ARHGEF11: variants seen among roughly 807,000 people sequenced by gnomAD.
ARHGEF11 encodes the protein Rho guanine nucleotide exchange factor 11.
A neutral mutation model predicts 193.7 loss-of-function variants in ARHGEF11; 55 were observed. The ratio of observed to expected loss-of-function variants is 0.28; its 90% CI spans 0.23 to 0.36. ARHGEF11 has a LOEUF of 0.36. Among genes scored for constraint, ARHGEF11 ranks in the 10% least tolerant of loss-of-function variants. ARHGEF11 has a pLI of 1.00. For missense variants in ARHGEF11, 1,723 were observed against 2,005.6 expected (o/e 0.86, Z 2.69); for synonymous variants, 693 against 768.0 (o/e 0.90, Z 1.62).
chr1:156,936,856 G>A lies in ARHGEF11; in HGVS notation c.4590C>T (p.Asp1530=), dbSNP rs1655490108. 3 of 1,614,114 alleles carry A rather than the reference G, an allele frequency of 1.9e-6. No individual in the cohort carries two copies. Among genetic ancestry groups the A allele is most frequent in the Non-Finnish European group, 2.5e-6 (3 of 1,180,020 alleles). ...GCCCCAGTTCATGGCTGTTCCTGGA[G>A]TCAGAAGCTAGGGGCTCCTTAGCGG... ...SPPAKEPLAS[D]SRNSHELGPC... is the part of the protein sequence containing the mutation. Residue 1530 remains aspartate, a synonymous_variant, in exon 40 of 41, where the codon GAC becomes GAT. Coordinates refer to ENST00000368194, the MANE Select transcript of ARHGEF11 (RefSeq NM_198236.3).
At chr1:157,028,252 T>C (rs77210098) in intron 1 of ARHGEF11, among the ~76,000 whole-genome samples, 1,991 of 152,342 alleles carry the variant, frequency 0.013, 40 homozygotes, top group African/African-American at 0.045. Context: ...GGCTTGTTAA[T>C]TGGAGACTAT....
chr1:157,030,490 A>G (rs1465931719), intron 1 of ARHGEF11, among the ~76,000 whole-genome samples: 2 of 152,188 alleles, frequency 1.3e-5, no homozygotes, highest in African/African-American at 2.4e-5. Context: ...TATTGGGAAG[A>G]GACAGAAAAA....
At chr1:157,029,153 G>C (rs1002790518) in intron 1 of ARHGEF11, among the ~76,000 whole-genome samples, 2 of 142,556 alleles carry the variant, frequency 1.4e-5, no homozygotes, top group African/African-American at 5.3e-5. Context: ...GGCAACTGAA[G>C]TGAGACCCTG....
At chr1:156,988,987 G>A (rs1163465722) in intron 1 of ARHGEF11, among the ~76,000 whole-genome samples, 1 of 152,086 alleles carries the variant, frequency 6.6e-6, no homozygotes, top group Non-Finnish European at 1.5e-5. Flanking sequence ...GAGAAACAAG[G>A]AAAGGAGAGA....
At chr1:156,940,138 C>A in intron 36 of ARHGEF11, 69 bp downstream of exon 36, 1 of 1,493,650 alleles carries the variant, frequency 6.7e-7, no homozygotes, top group Non-Finnish European at 9.0e-7. Flanking sequence ...AGGGTGCAGG[C>A]GCCTGCCAGT....
intron 1 of ARHGEF11, among the ~76,000 whole-genome samples, chr1:157,013,618 C>T (rs1243807439): frequency 6.6e-6 from 1 of 152,108 alleles, no homozygotes; most frequent in Non-Finnish European, 1.5e-5. Flanking sequence ...CTTCAACCCA[C>T]TTTGAGTTCC....
chr1:157,014,985 C>A (rs896438129), intron 1 of ARHGEF11, among the ~76,000 whole-genome samples: 1 of 152,178 alleles, frequency 6.6e-6, no homozygotes, highest in Non-Finnish European at 1.5e-5. Flanking sequence ...TAGGGGACAA[C>A]ACAGCCAACA....
intron 8 of ARHGEF11, 49 bp from the exon 9 acceptor site, chr1:156,970,092 C>A: frequency 3.2e-6 from 5 of 1,559,460 alleles, no homozygotes; most frequent in Non-Finnish European, 3.5e-6. Flanking sequence ...AGCCTCTCCC[C>A]CTACGGTTTT....
intron 22 of ARHGEF11, among the ~76,000 whole-genome samples, chr1:156,951,089 G>A (rs1286472965): frequency 6.6e-6 from 1 of 152,212 alleles, no homozygotes; most frequent in Non-Finnish European, 1.5e-5. Context: ...GACATCTGAT[G>A]CCTATAGTTA....
At chr1:156,979,646 G>A (rs1210142928) in intron 4 of ARHGEF11, among the ~76,000 whole-genome samples, 2 of 152,206 alleles carry the variant, frequency 1.3e-5, no homozygotes, top group Admixed American at 6.5e-5. Flanking sequence ...TTACAGGCGT[G>A]AGCCACTGCG....
At chr1:157,046,268 C>G (rs1673319762), upstream of ARHGEF11, among the ~76,000 whole-genome samples, 1 of 151,430 alleles carries the variant, frequency 6.6e-6, no homozygotes, top group South Asian at 2.1e-4. Context: ...GCCTTTTCGC[C>G]GCTTTTCCTC....
At chr1:156,958,461 G>A (rs776203723) in intron 17 of ARHGEF11, among the ~76,000 whole-genome samples, 6 of 152,170 alleles carry the variant, frequency 3.9e-5, no homozygotes, top group Non-Finnish European at 7.3e-5. Context: ...AGGTCAGGAG[G>A]AGGGCCAGCA....
intron 1 of ARHGEF11, among the ~76,000 whole-genome samples, chr1:157,043,676 C>T (rs1673027363): frequency 1.3e-5 from 2 of 152,210 alleles, no homozygotes; most frequent in South Asian, 2.1e-4. Context: ...GGTCTCAATT[C>T]AAACTCTAAG....
At chr1:157,005,901 C>T (rs1241896128) in intron 1 of ARHGEF11, among the ~76,000 whole-genome samples, 1 of 152,162 alleles carries the variant, frequency 6.6e-6, no homozygotes, top group Non-Finnish European at 1.5e-5. Flanking sequence ...CTCTGGTTTC[C>T]CCAACTAAGC....
chr1:156,963,402 C>T (rs983063407), intron 12 of ARHGEF11, 98 bp from the exon 13 acceptor site: 77 of 1,493,450 alleles, frequency 5.2e-5, no homozygotes, highest in South Asian at 2.0e-4. Flanking sequence ...GGGTTCATAA[C>T]AGGAGGCTCC....
intron 1 of ARHGEF11, among the ~76,000 whole-genome samples, chr1:157,004,339 G>C (rs1297041478): frequency 1.3e-5 from 2 of 152,166 alleles, no homozygotes; most frequent in Admixed American, 1.3e-4. Flanking sequence ...GGCTGGGCAA[G>C]TTGCTCCAAG....
intron 31 of ARHGEF11, 81 bp from the exon 32 acceptor site, chr1:156,944,183 G>A: frequency 1.3e-6 from 2 of 1,528,322 alleles, no homozygotes; most frequent in Non-Finnish European, 1.8e-6. Context: ...ACAGGCTCTT[G>A]GAGGCTCTAG....
At position 156,979,236 on chromosome 1, in the gene ARHGEF11, C is replaced by A; in HGVS notation, c.324G>T (p.Leu108=). The A allele has an allele frequency of 1.2e-6, 2 of 1,614,006 alleles. No individual in the cohort carries two copies. The highest frequency in any genetic ancestry group is 1.7e-6 in the Non-Finnish European group (2 of 1,179,934). Reference sequence around the variant, plus strand: ...CACCTCTCTCCAACTCACATTTGATCAGCTTTACCACTTCCAGGTGTGAGC... The same window carrying A: ...CACCTCTCTCCAACTCACATTTGATAAGCTTTACCACTTCCAGGTGTGAGC... ...TNSSHLEVVK[L]IKSGAYVALT... Residue 108 remains leucine, a synonymous_variant, in exon 5 of 41, where the codon CTG becomes CTT. Transcript: ENST00000368194.
In ARHGEF11 at chr1:156,939,664, T is replaced by C; in HGVS notation, c.3980A>G (p.His1327Arg). 1 of 1,614,024 alleles carries C rather than the reference T, an allele frequency of 6.2e-7. No homozygotes were observed. The highest frequency in any genetic ancestry group is 2.2e-5 in the East Asian group (1 of 44,876). ...QEDMGLCSLE[H>R]LPPRTRNSGI... The stretch of plus-strand genomic sequence containing the variant: ...AGAATTTCTGGTCCTTGGGGGTAGG[T>C]GTTCCAGAGAACAGAGACCCATGTC... Residue 1327 changes from histidine (H) to arginine (R), a missense_variant, in exon 37 of 41, where the codon CAC becomes CGC. Around this residue, in one of 5 missense-constraint regions of ARHGEF11, gnomAD observed 360 missense variants for 344.4 expected, o/e 1.05. Coordinates refer to ENST00000368194, the MANE Select transcript of ARHGEF11 (RefSeq NM_198236.3).
Sources: allele counts gnomAD v4.1 joint callset (sites outside exome capture counted in the v4.1 genomes callset), GRCh38; gene constraint gnomAD v4.1.1; regional missense constraint gnomAD v4.1.1; transcripts MANE v1.5; gene names NCBI Gene and HGNC (gene_info 2026-07-23, HGNC 2026-07-21).